SORBS2: variants seen among roughly 807,000 people sequenced by gnomAD.
SORBS2 encodes the protein sorbin and SH3 domain-containing protein 2.
In SORBS2, 46 loss-of-function variants were observed where a neutral mutation model predicts 97.7. The ratio of observed to expected loss-of-function variants is 0.47; its 90% CI spans 0.37 to 0.60. The LOEUF (loss-of-function observed/expected upper bound fraction) is 0.60. Among genes scored for constraint, SORBS2 ranks in the 20% least tolerant of loss-of-function variants. SORBS2 has a pLI of 0.00. For missense variants in SORBS2, 1,316 were observed against 1,282.3 expected (o/e 1.03, Z -0.40); for synonymous variants, 476 against 473.4 (o/e 1.01, Z -0.07).
At chr4:185,818,293 G>T (rs1331788435) in intron 1 of SORBS2, among the ~76,000 whole-genome samples, 1 of 152,054 alleles carries the variant, frequency 6.6e-6, no homozygotes, top group Non-Finnish European at 1.5e-5. Context: ...GGGTTCAAGC[G>T]ATTCTCCTGC....
chr4:185,664,136 G>A (rs1403370151), intron 4 of SORBS2, among the ~76,000 whole-genome samples: 1 of 151,864 alleles, frequency 6.6e-6, no homozygotes, highest in Non-Finnish European at 1.5e-5. Flanking sequence ...TTACAGGCGT[G>A]AGCCACCGCG....
chr4:185,668,579 A>C (rs1009486511), intron 4 of SORBS2, among the ~76,000 whole-genome samples: 6 of 152,284 alleles, frequency 3.9e-5, no homozygotes, highest in African/African-American at 1.2e-4. Context: ...TATACCCTGT[A>C]GACCCAAGGG....
intron 1 of SORBS2, among the ~76,000 whole-genome samples, chr4:185,884,516 A>G (rs1229190027): frequency 6.6e-6 from 1 of 152,312 alleles, no homozygotes; most frequent in South Asian, 2.1e-4. Flanking sequence ...AAAATAAAGG[A>G]TTAGTAAGAT....
intron 1 of SORBS2, among the ~76,000 whole-genome samples, chr4:185,839,942 T>C (rs1227926844): frequency 6.6e-6 from 1 of 152,198 alleles, no homozygotes; most frequent in African/African-American, 2.4e-5. Flanking sequence ...TAAAGCATCC[T>C]GCCATGTGCT....
chr4:185,880,330 C>A (rs2099236215), intron 1 of SORBS2, among the ~76,000 whole-genome samples: 1 of 152,148 alleles, frequency 6.6e-6, no homozygotes, highest in Non-Finnish European at 1.5e-5. Flanking sequence ...AGTCGGGGAG[C>A]ATGAGAGGGG....
chr4:185,690,626 T>G lies in SORBS2; in HGVS notation c.-197-11804A>C. On this transcript the variant is annotated intron_variant, in intron 2 of 20. Transcript: ENST00000284776. ...CTTCAGTTTTCCTGTAGGAAAAAAATGGTGCATAATTGTTCACTAGCATGT... is the reference window on the plus strand; with the variant it reads ...CTTCAGTTTTCCTGTAGGAAAAAAAGGGTGCATAATTGTTCACTAGCATGT... The G allele has an allele frequency of 8.0e-7, 1 of 1,248,278 alleles. No homozygotes were observed. Among genetic ancestry groups the G allele is most frequent in the Non-Finnish European group, 1.1e-6 (1 of 893,760 alleles). 77.3% of individuals were successfully genotyped at this position (1,248,278 alleles called of 1,614,324 possible). A position where few individuals can be genotyped will look rare whatever the true frequency, so the allele number is the denominator to read the frequency against.
intron 1 of SORBS2, among the ~76,000 whole-genome samples, chr4:185,953,679 G>A (rs532062131): frequency 6.0e-4 from 91 of 152,312 alleles, no homozygotes; most frequent in African/African-American, 2.0e-3. Context: ...TGCTGGCTCC[G>A]TAGCCAGGCC....
chr4:185,822,066 G>A (rs72705719), intron 1 of SORBS2, among the ~76,000 whole-genome samples: 10,771 of 152,314 alleles, frequency 0.071, 562 homozygotes, highest in Middle Eastern at 0.16. Context: ...TTTGTTGGAA[G>A]AGATGTTTCA....
At chr4:185,627,053 C>G in intron 5 of SORBS2, 34 bp from the exon 18 acceptor site, 16 of 1,605,532 alleles carry the variant, frequency 1.0e-5, no homozygotes, top group Non-Finnish European at 1.4e-5. Context: ...TTGATTGGCA[C>G]TGGAGGAGGT....
chr4:185,903,751 C>T (rs780313879), intron 1 of SORBS2, among the ~76,000 whole-genome samples: 10 of 152,122 alleles, frequency 6.6e-5, no homozygotes, highest in Non-Finnish European at 1.3e-4. Flanking sequence ...ATGATCTTTC[C>T]GAGTTTCAGA....
intron 1 of SORBS2, among the ~76,000 whole-genome samples, chr4:185,836,633 T>C (rs1055525142): frequency 2.6e-5 from 4 of 152,190 alleles, no homozygotes; most frequent in African/African-American, 9.7e-5. Flanking sequence ...TTTCATAATT[T>C]GCCAAGGTCA....
intron 1 of SORBS2, among the ~76,000 whole-genome samples, chr4:185,790,880 CTGTTCCACAT>C (rs1330567406): frequency 1.3e-5 from 2 of 152,180 alleles, no homozygotes; most frequent in Admixed American, 1.3e-4. Context: ...AATTGCATTC[CTGTTCCACAT>C]TGTGTCAATG....
chr4:185,627,158 C>T, intron 5 of SORBS2, 139 bp from the exon 18 acceptor site: 1 of 654,270 alleles, frequency 1.5e-6, no homozygotes, highest in Non-Finnish European at 2.7e-6. Context: ...AGGAACTCAT[C>T]CCTTGATGTT....
At chr4:185,688,001 T>C (rs901753030) in intron 2 of SORBS2, among the ~76,000 whole-genome samples, 18 of 152,214 alleles carry the variant, frequency 1.2e-4, no homozygotes, top group African/African-American at 4.3e-4. Context: ...TCCCCTGAGC[T>C]GCAAGATTCC....
At position 185,892,850 on chromosome 4, in the gene SORBS2, G is replaced by A. The variant is rs530692982; in HGVS notation, c.-338+63346C>T. Among the ~76,000 whole-genome samples, 104 of 152,172 alleles carry A rather than the reference G, an allele frequency of 6.8e-4. 1 individual carries two copies. The highest frequency in any genetic ancestry group is 2.3e-3 in the African/African-American group (94 of 41,540). On this transcript the variant is annotated intron_variant, in intron 1 of 20. Transcript: ENST00000284776. ...AATTTTGCAGATGGATGGCAGAGACGGTAGCCCAAGAATGTGAATACACTT... is the reference window on the plus strand; with the variant it reads ...AATTTTGCAGATGGATGGCAGAGACAGTAGCCCAAGAATGTGAATACACTT...
At chr4:185,638,084 G>T (rs369221375) in intron 4 of SORBS2, 2 of 1,585,236 alleles carry the variant, frequency 1.3e-6, no homozygotes, top group East Asian at 2.2e-5. Context: ...CTTACCGGGC[G>T]TCCAAACTCC....
In SORBS2 at chr4:185,820,390, A is replaced by T. The variant is rs115777272; in HGVS notation, c.-337-45024T>A. 4.8e-3 allele frequency among the ~76,000 whole-genome samples: 723 copies of T among 152,028 alleles called. 7 individuals carry two copies. Among genetic ancestry groups the T allele is most frequent in the African/African-American group, 0.016 (651 of 41,478 alleles). On this transcript the variant is annotated intron_variant, in intron 1 of 20. Coordinates refer to the SORBS2 transcript ENST00000284776. ...CCCCTCCCCTTTAATTTAAATTGGCACCAGTTTCCTATTCTCTCGGCAGCC... is the reference window on the plus strand; with the variant it reads ...CCCCTCCCCTTTAATTTAAATTGGCTCCAGTTTCCTATTCTCTCGGCAGCC...
chr4:185,695,022 T>C (rs1053649922), intron 2 of SORBS2, among the ~76,000 whole-genome samples: 4 of 151,932 alleles, frequency 2.6e-5, no homozygotes, highest in Non-Finnish European at 5.9e-5. Context: ...CTTGAATTTC[T>C]TTGGATTATC....
chr4:185,743,522 CTG>C (rs889201893), intron 2 of SORBS2, among the ~76,000 whole-genome samples: 2 of 152,218 alleles, frequency 1.3e-5, no homozygotes, highest in African/African-American at 4.8e-5. Flanking sequence ...GAGCTAAAAA[CTG>C]TGATACACAA....
Sources: allele counts gnomAD v4.1 joint callset (sites outside exome capture counted in the v4.1 genomes callset), GRCh38; gene constraint gnomAD v4.1.1; transcripts MANE v1.5; gene names NCBI Gene and HGNC (gene_info 2026-07-23, HGNC 2026-07-21).